Variants in HNF4G observed in about 807,000 individuals in gnomAD.
HNF4G encodes the protein hepatocyte nuclear factor 4 gamma, also known as hepatocyte nuclear factor 4-gamma.
HNF4G carries 21 observed loss-of-function variants against 50.9 expected under a neutral mutation model. The observed-to-expected ratio is 0.41, with a 90% confidence interval of 0.29 to 0.59. The LOEUF is 0.59. Ranked by LOEUF, HNF4G falls within the 20% of genes least tolerant of loss-of-function variation. The probability of loss-of-function intolerance (pLI) is 0.26; values close to 1 mark genes in which losing one functional copy is unlikely to be tolerated. For missense variants in HNF4G, 527 were observed against 559.4 expected, an observed-to-expected ratio of 0.94 and a Z score of 0.58; for synonymous variants, 198 against 185.6, an observed-to-expected ratio of 1.07 and a Z score of -0.54.
chr8:75,492,444 A>G (rs1022760074), intron 2 of HNF4G, among the ~76,000 whole-genome samples: 3 of 152,228 alleles, frequency 2.0e-5, no homozygotes, highest in Non-Finnish European at 2.9e-5. Context: ...GAGTATTTTC[A>G]GATAAAATGC....
intron 2 of HNF4G, among the ~76,000 whole-genome samples, chr8:75,516,394 T>G (rs1805889977): frequency 6.6e-6 from 1 of 152,186 alleles, no homozygotes; most frequent in African/African-American, 2.4e-5. Context: ...ATCTTTTTAT[T>G]ATTTCTAGTT....
chr8:75,475,156 C>A (rs1294959167), intron 1 of HNF4G, among the ~76,000 whole-genome samples: 3 of 151,812 alleles, frequency 2.0e-5, no homozygotes, highest in Non-Finnish European at 2.9e-5. Context: ...ACTACTGGTA[C>A]ATGCCAACAC....
chr8:75,503,991 G>A (rs965120042), intron 2 of HNF4G, among the ~76,000 whole-genome samples: 2 of 152,098 alleles, frequency 1.3e-5, no homozygotes, highest in East Asian at 3.9e-4. Flanking sequence ...GGAGGCCGAG[G>A]CAGGTGGATC....
chr8:75,513,274 G>A (rs529996903), intron 2 of HNF4G, among the ~76,000 whole-genome samples: 101 of 152,250 alleles, frequency 6.6e-4, no homozygotes, highest in Non-Finnish European at 1.0e-3. Flanking sequence ...CTGACCTCAG[G>A]TGATCTGCCT....
At chr8:75,545,055 CA>C (rs954206758) in intron 2 of HNF4G, among the ~76,000 whole-genome samples, 39 of 151,110 alleles carry the variant, frequency 2.6e-4, no homozygotes, top group African/African-American at 8.7e-4. Flanking sequence ...TCTAGGTAAA[CA>C]AAAAAAAGTG....
intron 9 of HNF4G, among the ~76,000 whole-genome samples, chr8:75,561,075 G>A (rs1294543155): frequency 1.3e-5 from 2 of 151,638 alleles, no homozygotes; most frequent in Non-Finnish European, 3.0e-5. Flanking sequence ...TTTTTTCTAT[G>A]CCCTGATGAG....
chr8:75,464,603 G>A (rs1199119437), intron 1 of HNF4G, among the ~76,000 whole-genome samples: 1 of 151,858 alleles, frequency 6.6e-6, no homozygotes, highest in East Asian at 1.9e-4. Context: ...TTTATTTTTT[G>A]GATGAGAGTC....
chr8:75,438,152 G>T (rs1032886586), intron 1 of HNF4G, among the ~76,000 whole-genome samples: 2 of 152,054 alleles, frequency 1.3e-5, no homozygotes, highest in Non-Finnish European at 2.9e-5. Context: ...ATGTTGACAG[G>T]TATGTACATG....
intron 1 of HNF4G, among the ~76,000 whole-genome samples, chr8:75,465,953 G>C (rs968669760): frequency 6.6e-6 from 1 of 152,118 alleles, no homozygotes; most frequent in African/African-American, 2.4e-5. Flanking sequence ...CACAGGTTAT[G>C]TGTGTGTGTT....
At chr8:75,537,539 C>T (rs1400278702), upstream of HNF4G, among the ~76,000 whole-genome samples, 2 of 152,024 alleles carry the variant, frequency 1.3e-5, no homozygotes, top group Non-Finnish European at 2.9e-5. Context: ...AGCTACCGTG[C>T]CTGGCTAAAA....
At chr8:75,480,311 C>T (rs1364048210) in intron 1 of HNF4G, among the ~76,000 whole-genome samples, 1 of 152,198 alleles carries the variant, frequency 6.6e-6, no homozygotes, top group Non-Finnish European at 1.5e-5. Context: ...CATGGCAGAG[C>T]AGCACATATT....
intron 1 of HNF4G, among the ~76,000 whole-genome samples, chr8:75,478,310 T>C (rs1233813203): frequency 6.6e-6 from 1 of 152,298 alleles, no homozygotes; most frequent in African/African-American, 2.4e-5. Flanking sequence ...GGAATTTAAA[T>C]AGTATTAGGG....
In HNF4G at chr8:75,547,621, A is replaced by C; in HGVS notation, c.322A>C (p.Arg108=). ...SRQCVVDKDK[R]NQCRYCRLRK... ...GCAATGTGTTGTTGACAAGGACAAA[A>C]GGAATCAATGTAGATATTGTCGATT... The change falls in exon 3 of 10, where the codon AGG becomes CGG. Residue 108 remains arginine, a synonymous_variant. Coordinates refer to ENST00000396423, the MANE Select transcript of HNF4G (RefSeq NM_004133.5). The C allele has an allele frequency of 6.2e-7, 1 of 1,612,236 alleles. No homozygotes were observed. The highest frequency in any genetic ancestry group is 1.7e-5 in the Admixed American group (1 of 59,992).
At chr8:75,437,628 T>C (rs545322688) in intron 1 of HNF4G, among the ~76,000 whole-genome samples, 1 of 152,186 alleles carries the variant, frequency 6.6e-6, no homozygotes, top group Admixed American at 6.5e-5. Flanking sequence ...TGAGCCGAGA[T>C]CACGCCACTG....
At chr8:75,497,135 G>A (rs1229150140) in intron 2 of HNF4G, among the ~76,000 whole-genome samples, 1 of 152,108 alleles carries the variant, frequency 6.6e-6, no homozygotes, top group Non-Finnish European at 1.5e-5. Context: ...ACAGGGTTGT[G>A]TATTATCTCT....
At chr8:75,512,198 T>C in intron 2 of HNF4G, among the ~76,000 whole-genome samples, 1 of 151,800 alleles carries the variant, frequency 6.6e-6, no homozygotes, top group Non-Finnish European at 1.5e-5. Context: ...AAAATTTCTC[T>C]CTTGTTAGGG....
At chr8:75,467,615 G>A (rs551168446) in intron 1 of HNF4G, among the ~76,000 whole-genome samples, 54 of 150,818 alleles carry the variant, frequency 3.6e-4, no homozygotes, top group East Asian at 1.8e-3. Context: ...AGTGGAGATC[G>A]TGCCAGTGCA....
At chr8:75,501,832 T>C (rs1171964402) in intron 2 of HNF4G, among the ~76,000 whole-genome samples, 1 of 118,702 alleles carries the variant, frequency 8.4e-6, no homozygotes, top group Non-Finnish European at 1.7e-5. Context: ...ATTATCTTTT[T>C]TTCATGATGA....
intron 1 of HNF4G, among the ~76,000 whole-genome samples, chr8:75,437,999 T>C (rs569827116): frequency 1.3e-5 from 2 of 152,304 alleles, no homozygotes; most frequent in South Asian, 4.1e-4. Context: ...AGGAGCACTT[T>C]GAATATTCAT....
Sources: gnomAD v4.1 joint callset for allele counts (sites outside exome capture counted in the v4.1 genomes callset) on GRCh38, gnomAD v4.1.1 for gene constraint, MANE v1.5 for transcripts, NCBI Gene and HGNC (gene_info 2026-07-23, HGNC 2026-07-21) for gene names.